RUNX1: variants seen among roughly 807,000 people sequenced by gnomAD.
RUNX1 encodes the protein RUNX family transcription factor 1, also known as runt-related transcription factor 1.
A neutral mutation model predicts 42.8 loss-of-function variants in RUNX1; 19 were observed. The observed-to-expected ratio is 0.44, with a 90% CI of 0.31 to 0.65. The LOEUF (loss-of-function observed/expected upper bound fraction) is 0.65, where lower values mean the gene tolerates loss of function less well. RUNX1 is among the 30% of genes least tolerant of loss of function. The probability of loss-of-function intolerance (pLI) is 0.07; values close to 1 mark genes in which losing one functional copy is unlikely to be tolerated. For missense variants in RUNX1, 528 were observed against 672.0 expected (o/e 0.79, Z 2.37); for synonymous variants, 271 against 289.4 (o/e 0.94, Z 0.64).
At chr21:34,838,098 T>C (rs1288421000) in intron 6 of RUNX1, among the ~76,000 whole-genome samples, 3 of 152,204 alleles carry the variant, frequency 2.0e-5, no homozygotes, top group Admixed American at 1.3e-4. Context: ...TTAAATGTTA[T>C]GATATTTTGT....
At chr21:34,930,289 T>TATATATATAAATAA (rs1555906453) in intron 2 of RUNX1, among the ~76,000 whole-genome samples, 14 of 137,326 alleles carry the variant, frequency 1.0e-4, no homozygotes, top group African/African-American at 4.1e-4. Context: ...TATATATATA[T>TATATATATAAATAA]ATAAATAAAT....
chr21:34,856,206 C>A (rs944481604), intron 6 of RUNX1: 21 of 401,166 alleles, frequency 5.2e-5, no homozygotes, highest in Non-Finnish European at 9.0e-5. Flanking sequence ...CATTCTCAGT[C>A]CTTAACTTAG....
chr21:34,888,923 C>G (rs886319920), intron 3 of RUNX1, among the ~76,000 whole-genome samples: 25 of 151,714 alleles, frequency 1.6e-4, no homozygotes, highest in African/African-American at 5.8e-4. Context: ...CCCCCGCGCC[C>G]CGCATCCAAG....
chr21:34,939,669 TA>T (rs1381325130), intron 2 of RUNX1, among the ~76,000 whole-genome samples: 4 of 152,040 alleles, frequency 2.6e-5, no homozygotes, highest in Non-Finnish European at 5.9e-5. Flanking sequence ...AGAGAGGACC[TA>T]AAAAAACCTT....
intron 2 of RUNX1, among the ~76,000 whole-genome samples, chr21:34,987,223 G>A (rs1053825892): frequency 1.3e-5 from 2 of 152,230 alleles, no homozygotes; most frequent in African/African-American, 4.8e-5. Context: ...GTGAATCATT[G>A]CTGAAAGATT....
intron 5 of RUNX1, among the ~76,000 whole-genome samples, 195 bp from the exon 6 acceptor site, chr21:34,859,773 A>G (rs1003933843): frequency 6.6e-6 from 1 of 152,236 alleles, no homozygotes; most frequent in Non-Finnish European, 1.5e-5. Context: ...AACACTTCAC[A>G]TAGTTATATG....
At chr21:34,842,960 AG>A (rs768686307) in intron 6 of RUNX1, among the ~76,000 whole-genome samples, 37 of 152,060 alleles carry the variant, frequency 2.4e-4, no homozygotes, top group Non-Finnish European at 4.1e-4. Context: ...CCCAGTTACA[AG>A]TAAGTGGCTG....
At chr21:34,929,072 C>T (rs1239700002) in intron 2 of RUNX1, among the ~76,000 whole-genome samples, 3 of 152,002 alleles carry the variant, frequency 2.0e-5, no homozygotes, top group Non-Finnish European at 2.9e-5. Flanking sequence ...TTTATCTCAA[C>T]TCTGTACATC....
rs2056392790 is a variant in RUNX1, at chr21:34,788,254, T to C, written c.*3881A>G. ...GGCTTAAATAGGACCACATTTCCCG[T>C]TGCTTTTTCAGTAGATGTGTTATAC... On this transcript the variant is annotated 3_prime_UTR_variant, in exon 9 of 9. Transcript: ENST00000675419. 4.3e-6 allele frequency: 1 copy of C among 233,604 alleles called. No individual in the cohort carries two copies. Among genetic ancestry groups the C allele is most frequent in the African/African-American group, 2.2e-5 (1 of 45,372 alleles). 14.5% of individuals were successfully genotyped at this position (233,604 alleles called of 1,614,324 possible).
chr21:35,031,549 G>A (rs1006817781), intron 2 of RUNX1, among the ~76,000 whole-genome samples: 8 of 152,052 alleles, frequency 5.3e-5, no homozygotes, highest in South Asian at 2.1e-4. Context: ...TCAGTATGTC[G>A]AAGAGATATC....
intron 6 of RUNX1, among the ~76,000 whole-genome samples, chr21:34,850,027 A>AAAC (rs146570872): frequency 6.6e-6 from 1 of 151,916 alleles, no homozygotes; most frequent in African/African-American, 2.4e-5. Flanking sequence ...TTACAGGAAA[A>AAAC]AACAACAACA....
chr21:34,913,898 G>A (rs753081491), intron 2 of RUNX1, among the ~76,000 whole-genome samples: 6 of 152,158 alleles, frequency 3.9e-5, no homozygotes, highest in South Asian at 2.1e-4. Context: ...TTTACATGGC[G>A]TGTTGTCTAA....
intron 2 of RUNX1, among the ~76,000 whole-genome samples, chr21:35,047,514 AACACACAC>A (rs145398828): frequency 0.019 from 1,325 of 70,436 alleles, 22 homozygotes; most frequent in Non-Finnish European, 0.023. Flanking sequence ...TGCCATCTCC[AACACACAC>A]ACACACACAC....
rs8134179 is a variant in RUNX1, at chr21:34,907,416, T to C, written c.59-14453A>G. 0.15 allele frequency among the ~76,000 whole-genome samples: 22,575 copies of C among 152,180 alleles called. 1,853 individuals are homozygous for C. The highest frequency in any genetic ancestry group is 0.18 in the Non-Finnish European group (12,332 of 67,998). ...ACAGAATAACTGGAAAATAGAGTGC[T>C]TCATCAGTAGTAAGGGTGAATACTG... On this transcript the variant is annotated intron_variant, in intron 2 of 8. Coordinates refer to ENST00000675419, the MANE Select transcript of RUNX1 (RefSeq NM_001754.5). The surrounding 1 kb of genome is among the most constrained non-coding windows in gnomAD (Gnocchi z 5.3).
chr21:34,866,339 A>T (rs1031629922), intron 5 of RUNX1, among the ~76,000 whole-genome samples: 1 of 152,240 alleles, frequency 6.6e-6, no homozygotes, highest in Non-Finnish European at 1.5e-5. Context: ...TTAAAAACCA[A>T]GAGAGTCAGT....
intron 2 of RUNX1, among the ~76,000 whole-genome samples, chr21:35,012,670 A>C (rs1053851065): frequency 1.3e-5 from 2 of 152,218 alleles, no homozygotes; most frequent in Non-Finnish European, 2.9e-5. Context: ...ACATATGACA[A>C]AATCTCTGAG....
At chr21:34,855,736 A>T (rs2057487016) in intron 6 of RUNX1, among the ~76,000 whole-genome samples, 1 of 151,822 alleles carries the variant, frequency 6.6e-6, no homozygotes, top group African/African-American at 2.4e-5. Context: ...CAAACAAAAA[A>T]CTCTCAAATA....
intron 3 of RUNX1, chr21:34,889,824 G>C: frequency 9.0e-7 from 1 of 1,113,310 alleles, no homozygotes; most frequent in Non-Finnish European, 1.1e-6. Flanking sequence ...CCCAGCGGAG[G>C]CTGCTCCCGT....
chr21:34,867,905 C>T (rs2057685233), intron 5 of RUNX1, among the ~76,000 whole-genome samples: 1 of 152,148 alleles, frequency 6.6e-6, no homozygotes, highest in South Asian at 2.1e-4. Context: ...GCTGGGGTCA[C>T]ACAGGGCAAG....
Sources: allele counts gnomAD v4.1 joint callset (sites outside exome capture counted in the v4.1 genomes callset), GRCh38; gene constraint gnomAD v4.1.1; non-coding constraint Gnocchi (gnomAD v3.1); transcripts MANE v1.5; gene names NCBI Gene and HGNC (gene_info 2026-07-23, HGNC 2026-07-21).